The following SLC27A6 variants were observed in gnomAD, a reference collection of about 807,000 sequenced individuals.
SLC27A6 encodes the protein solute carrier family 27 member 6, also known as long-chain fatty acid transport protein 6.
A neutral mutation model predicts 63.9 loss-of-function variants in SLC27A6; 74 were observed. The observed-to-expected ratio is 1.16, with a 90% CI of 0.96 to 1.40. SLC27A6 has a LOEUF of 1.40. Among genes scored for constraint, SLC27A6 ranks in the 40% most tolerant of loss-of-function variants. The probability of loss-of-function intolerance (pLI) is 0.00; values close to 1 mark genes in which losing one functional copy is unlikely to be tolerated. For missense variants in SLC27A6, 794 were observed against 732.9 expected (o/e 1.08, Z -0.96); for synonymous variants, 287 against 260.8 (o/e 1.10, Z -0.97).
chr5:129,011,584 C>T (rs1751728818), intron 4 of SLC27A6, among the ~76,000 whole-genome samples: 1 of 152,120 alleles, frequency 6.6e-6, no homozygotes, highest in Non-Finnish European at 1.5e-5. Context: ...TAGATTTATG[C>T]AGCACAAAAA....
In SLC27A6 at chr5:128,966,513, GC is replaced by G; in HGVS notation, c.378del (p.Lys127SerfsTer19). The G allele has an allele frequency of 3.1e-6, 5 of 1,605,402 alleles. No homozygotes were observed. Among genetic ancestry groups the G allele is most frequent in the Non-Finnish European group, 4.2e-6 (5 of 1,176,612 alleles). ...PDFVHVWFGL[A>X]KLGCVVAFLN... ...CTTCGTTCACGTGTGGTTCGGCCTC[GC>G]CAAGCTGGGCTGCGTGGTGGCCTTT... is the stretch of plus-strand genomic sequence containing the variant. On this transcript the variant is annotated frameshift_variant, in exon 1 of 10. Transcript: ENST00000262462. LOFTEE classifies it high-confidence loss of function.
rs1447074595 is a variant in SLC27A6 at position 129,004,387 on chromosome 5, C to G, written c.970-11498C>G. ...CACCTTTTTCTCTTGTTCTGTGAGT[C>G]TCTCTTGCTTTCTTTCTCTCTGAGT... On this transcript the variant is annotated intron_variant, in intron 4 of 9. Coordinates refer to ENST00000262462, the MANE Select transcript of SLC27A6 (RefSeq NM_001017372.3). Among the ~76,000 whole-genome samples, 2 of 152,138 alleles carry G rather than the reference C, an allele frequency of 1.3e-5. 1 individual carries two copies. Among genetic ancestry groups the G allele is most frequent in the East Asian group, 3.9e-4 (2 of 5,192 alleles).
At chr5:128,973,525 C>T (rs780302849) in intron 1 of SLC27A6, among the ~76,000 whole-genome samples, 5 of 152,192 alleles carry the variant, frequency 3.3e-5, no homozygotes, top group East Asian at 1.9e-4. Flanking sequence ...AGTTCAATCT[C>T]GGACTGCTGT....
At chr5:128,981,408 GT>G (rs2150132144) in intron 1 of SLC27A6, among the ~76,000 whole-genome samples, 1 of 151,948 alleles carries the variant, frequency 6.6e-6, no homozygotes, top group African/African-American at 2.4e-5. Context: ...TTGAACCTGG[GT>G]GGCGGAGGTT....
At chr5:129,008,190 T>C (rs1220575298) in intron 4 of SLC27A6, among the ~76,000 whole-genome samples, 1 of 152,178 alleles carries the variant, frequency 6.6e-6, no homozygotes, top group Non-Finnish European at 1.5e-5. Flanking sequence ...TGATGTTTCC[T>C]CATACCTTTC....
At chr5:128,974,166 T>C (rs535610599) in intron 1 of SLC27A6, among the ~76,000 whole-genome samples, 5 of 152,242 alleles carry the variant, frequency 3.3e-5, no homozygotes, top group Non-Finnish European at 7.3e-5. Flanking sequence ...GGCTTTTCTG[T>C]TGACCGAATT....
chr5:129,015,756 A>T, intron 4 of SLC27A6, 129 bp from the exon 5 acceptor site: 1 of 632,316 alleles, frequency 1.6e-6, no homozygotes, highest in Non-Finnish European at 2.7e-6. Flanking sequence ...AGACTTATAC[A>T]CATATTTTAA....
chr5:128,973,261 C>T (rs1192794070), intron 1 of SLC27A6, among the ~76,000 whole-genome samples: 1 of 152,188 alleles, frequency 6.6e-6, no homozygotes, highest in East Asian at 1.9e-4. Context: ...TGTCGGTTCT[C>T]AGATTTCAAA....
rs563756631 is a variant in SLC27A6 at position 129,012,931 on chromosome 5, A to C, written c.970-2954A>C. ...ATGATTACATATTTAGTCCATTTAC[A>C]TTTTATGTACTTATGATATATTTGC... On this transcript the variant is annotated intron_variant, in intron 4 of 9. Coordinates refer to ENST00000262462, the MANE Select transcript of SLC27A6 (RefSeq NM_001017372.3). 9.2e-5 allele frequency among the ~76,000 whole-genome samples: 14 copies of C among 151,798 alleles called. No individual in the cohort carries two copies. The South Asian group carries it at 2.9e-3, about 32-fold the overall frequency.
chr5:129,030,062 A>G (rs1295529628), intron 9 of SLC27A6, among the ~76,000 whole-genome samples: 1 of 152,032 alleles, frequency 6.6e-6, no homozygotes. Flanking sequence ...TTAAGGAGAC[A>G]TCAAAGAGAT....
chr5:129,028,546 T>A, intron 8 of SLC27A6, 104 bp downstream of exon 8: 1 of 680,062 alleles, frequency 1.5e-6, no homozygotes, highest in Non-Finnish European at 2.5e-6. Context: ...TTTTTGTGTA[T>A]TAAGATAAAG....
At chr5:129,011,816 GTAAATCT>G (rs1330091648) in intron 4 of SLC27A6, among the ~76,000 whole-genome samples, 1 of 152,126 alleles carries the variant, frequency 6.6e-6, no homozygotes, top group African/African-American at 2.4e-5. Flanking sequence ...AGATATGCAA[GTAAATCT>G]TCTTGTATGT....
intron 4 of SLC27A6, among the ~76,000 whole-genome samples, chr5:129,007,042 T>G (rs1171381532): frequency 6.6e-6 from 1 of 152,154 alleles, no homozygotes; most frequent in Non-Finnish European, 1.5e-5. Flanking sequence ...TGTAAAGAGA[T>G]AAGAAGAAAA....
intron 9 of SLC27A6, among the ~76,000 whole-genome samples, chr5:129,030,178 G>A (rs1431159869): frequency 2.0e-5 from 3 of 151,982 alleles, no homozygotes; most frequent in African/African-American, 7.2e-5. Context: ...CCTTCCCCAT[G>A]TGAGAAATTC....
At chr5:129,005,863 C>T (rs1000444903) in intron 4 of SLC27A6, among the ~76,000 whole-genome samples, 23 of 151,428 alleles carry the variant, frequency 1.5e-4, no homozygotes, top group South Asian at 2.1e-4. Flanking sequence ...CCGCCTGCCT[C>T]GGCCCCCCAA....
At chr5:128,976,935 A>G (rs1173064513) in intron 1 of SLC27A6, among the ~76,000 whole-genome samples, 1 of 152,202 alleles carries the variant, frequency 6.6e-6, no homozygotes. Context: ...AGAATAAAAT[A>G]TATACCATAT....
chr5:129,027,366 T>A, intron 7 of SLC27A6, 35 bp downstream of exon 7: 1 of 1,498,278 alleles, frequency 6.7e-7, no homozygotes, highest in Non-Finnish European at 9.3e-7. Flanking sequence ...GCTTGTTCTG[T>A]AATTGTGAAC....
intron 1 of SLC27A6, among the ~76,000 whole-genome samples, chr5:128,968,666 A>G (rs1011410088): frequency 1.6e-4 from 25 of 151,990 alleles, no homozygotes; most frequent in Non-Finnish European, 2.4e-4. Context: ...GATATTAGCC[A>G]TTTGTCAGAT....
At chr5:129,005,124 A>C (rs915361658) in intron 4 of SLC27A6, among the ~76,000 whole-genome samples, 2 of 152,096 alleles carry the variant, frequency 1.3e-5, no homozygotes, top group African/African-American at 4.8e-5. Context: ...TCACCAATAG[A>C]GTTTCACAAC....
Sources: allele counts gnomAD v4.1 joint callset (sites outside exome capture counted in the v4.1 genomes callset), GRCh38; gene constraint gnomAD v4.1.1; transcripts MANE v1.5; gene names NCBI Gene and HGNC (gene_info 2026-07-23, HGNC 2026-07-21).